Variants in KCNT2 observed in about 807,000 individuals in gnomAD.
KCNT2 encodes the protein potassium channel subfamily T member 2.
Under a neutral mutation model 153.8 loss-of-function variants are expected in KCNT2, and 67 were observed. The observed-to-expected ratio is 0.44, with a 90% CI of 0.36 to 0.53. The LOEUF (loss-of-function observed/expected upper bound fraction) is 0.53. KCNT2 is among the 20% of genes least tolerant of loss of function. The pLI is 0.00. For synonymous variants in KCNT2, 500 were observed against 458.8 expected (o/e 1.09, Z -1.15); for missense variants, 975 against 1,354.8 (o/e 0.72, Z 4.40).
At chr1:196,376,424 G>A (rs967403733) in intron 13 of KCNT2, among the ~76,000 whole-genome samples, 1 of 151,724 alleles carries the variant, frequency 6.6e-6, no homozygotes, top group Non-Finnish European at 1.5e-5. Flanking sequence ...GGGTTAAATA[G>A]CTTCATGGCA....
chr1:196,506,229 A>G (rs1199514000), intron 1 of KCNT2, among the ~76,000 whole-genome samples: 2 of 152,174 alleles, frequency 1.3e-5, no homozygotes, highest in African/African-American at 4.8e-5. Context: ...AAATGCAGGT[A>G]TTACTTCCAT....
chr1:196,579,002 A>G (rs1661703170), intron 1 of KCNT2, among the ~76,000 whole-genome samples: 1 of 152,114 alleles, frequency 6.6e-6, no homozygotes, highest in Non-Finnish European at 1.5e-5. Flanking sequence ...TTCCCTCATT[A>G]TCAGTATCCC....
At chr1:196,490,827 A>T (rs922963313) in intron 2 of KCNT2, among the ~76,000 whole-genome samples, 1 of 152,000 alleles carries the variant, frequency 6.6e-6, no homozygotes, top group Non-Finnish European at 1.5e-5. Flanking sequence ...TGATTCATGC[A>T]TTATGAATAA....
chr1:196,247,736 A>T (rs1655580985), intron 26 of KCNT2, among the ~76,000 whole-genome samples: 1 of 152,124 alleles, frequency 6.6e-6, no homozygotes. Flanking sequence ...ACCTCCCAGC[A>T]GGTCCCTCCC....
At chr1:196,331,959 T>C (rs1346974384) in intron 17 of KCNT2, among the ~76,000 whole-genome samples, 1 of 152,146 alleles carries the variant, frequency 6.6e-6, no homozygotes, top group Non-Finnish European at 1.5e-5. Context: ...ATATTTCGGC[T>C]ATACTGACTT....
chr1:196,299,821 T>C (rs182105314), intron 22 of KCNT2, among the ~76,000 whole-genome samples: 45 of 152,248 alleles, frequency 3.0e-4, no homozygotes, highest in Admixed American at 5.9e-4. Context: ...ACAGCATCAT[T>C]TAGAATGGCC....
intron 4 of KCNT2, among the ~76,000 whole-genome samples, chr1:196,481,350 G>A (rs1679007791): frequency 6.6e-6 from 1 of 152,110 alleles, no homozygotes; most frequent in Non-Finnish European, 1.5e-5. Context: ...GAAATTGCCT[G>A]GTAAGTGTAA....
intron 14 of KCNT2, among the ~76,000 whole-genome samples, chr1:196,366,943 T>C (rs1668092695): frequency 6.6e-6 from 1 of 152,032 alleles, no homozygotes; most frequent in East Asian, 1.9e-4. Context: ...TTAAGTGGAG[T>C]AGGTTGGTTC....
At chr1:196,450,333 T>G (rs896496339) in intron 8 of KCNT2, among the ~76,000 whole-genome samples, 15 of 151,924 alleles carry the variant, frequency 9.9e-5, no homozygotes, top group African/African-American at 3.4e-4. Flanking sequence ...TTAGTGATCA[T>G]TCATATGTTG....
At chr1:196,455,382 T>G (rs1416485690) in intron 8 of KCNT2, among the ~76,000 whole-genome samples, 1 of 151,998 alleles carries the variant, frequency 6.6e-6, no homozygotes, top group Non-Finnish European at 1.5e-5. Flanking sequence ...ATTAATCTTT[T>G]GTTTTCCTAC....
At chr1:196,444,568 T>G (rs2148598359) in intron 8 of KCNT2, among the ~76,000 whole-genome samples, 1 of 151,464 alleles carries the variant, frequency 6.6e-6, no homozygotes, top group South Asian at 2.1e-4. Flanking sequence ...ATAAAATTTT[T>G]CATCAAAAAG....
chr1:196,560,776 A>G (rs1659276697), intron 1 of KCNT2, among the ~76,000 whole-genome samples: 1 of 151,946 alleles, frequency 6.6e-6, no homozygotes, highest in Non-Finnish European at 1.5e-5. Context: ...CTTGTGACAA[A>G]TGGTGCTGCC....
At chr1:196,527,993 G>A (rs970009908) in intron 1 of KCNT2, among the ~76,000 whole-genome samples, 2 of 152,108 alleles carry the variant, frequency 1.3e-5, no homozygotes, top group Non-Finnish European at 2.9e-5. Context: ...CAGAATAATG[G>A]TCAGTAATGG....
chr1:196,400,731 G>A lies in KCNT2; in HGVS notation c.1186-2060C>T, dbSNP rs148873416. 6.3e-4 allele frequency among the ~76,000 whole-genome samples: 95 copies of A among 151,858 alleles called. 1 individual carries two copies. Among genetic ancestry groups the A allele is most frequent in the Non-Finnish European group, 6.6e-4 (45 of 67,834 alleles). On this transcript the variant is annotated intron_variant, in intron 12 of 27. Coordinates refer to ENST00000294725, the MANE Select transcript of KCNT2 (RefSeq NM_198503.5). ...AAGAAGAAATAGAAGAGGCCAGGAC[G>A]TCTATCAATATGAAAGAATAAGCTC...
At chr1:196,303,179 C>T (rs1054694328) in intron 22 of KCNT2, among the ~76,000 whole-genome samples, 1 of 152,082 alleles carries the variant, frequency 6.6e-6, no homozygotes, top group Non-Finnish European at 1.5e-5. Context: ...GCTGAATAAA[C>T]CTCTAGCCAG....
chr1:196,552,064 C>A (rs1301851317), intron 1 of KCNT2, among the ~76,000 whole-genome samples: 2 of 151,454 alleles, frequency 1.3e-5, no homozygotes, highest in Non-Finnish European at 3.0e-5. Flanking sequence ...CAGTTCTGTT[C>A]TCCCTCCTAT....
chr1:196,603,630 AC>A (rs1664988847), intron 1 of KCNT2, among the ~76,000 whole-genome samples: 1 of 152,200 alleles, frequency 6.6e-6, no homozygotes, highest in Non-Finnish European at 1.5e-5. Context: ...TTTAACAACT[AC>A]AATGCATTAG....
intron 12 of KCNT2, among the ~76,000 whole-genome samples, chr1:196,413,286 G>A (rs1672486508): frequency 6.6e-6 from 1 of 151,658 alleles, no homozygotes; most frequent in Non-Finnish European, 1.5e-5. Context: ...TCGGAAATCT[G>A]TTGAACATCT....
intron 13 of KCNT2, among the ~76,000 whole-genome samples, chr1:196,388,379 G>C (rs546470079): frequency 1.5e-4 from 22 of 151,628 alleles, no homozygotes; most frequent in Admixed American, 4.6e-4. Context: ...TAGTTGTTAT[G>C]ACTATTATCT....
Sources: allele counts gnomAD v4.1 joint callset (sites outside exome capture counted in the v4.1 genomes callset), GRCh38; gene constraint gnomAD v4.1.1; transcripts MANE v1.5; gene names NCBI Gene and HGNC (gene_info 2026-07-23, HGNC 2026-07-21).